The following PARN variants were observed in gnomAD, a reference collection of about 807,000 sequenced individuals.
PARN encodes poly(A)-specific ribonuclease PARN.
Under a neutral mutation model 102.8 loss-of-function variants are expected in PARN, and 71 were observed. The ratio of observed to expected loss-of-function variants is 0.69; its 90% confidence interval spans 0.57 to 0.84. The LOEUF (loss-of-function observed/expected upper bound fraction) is 0.84. Ranked by LOEUF, PARN falls within the 40% of genes least tolerant of loss-of-function variation. PARN has a pLI of 0.00. For synonymous variants in PARN, 261 were observed against 252.9 expected (o/e 1.03, Z -0.30); for missense variants, 782 against 760.9 (o/e 1.03, Z -0.33).
At chr16:14,529,212 A>C (rs1306248460) in intron 21 of PARN, among the ~76,000 whole-genome samples, 1 of 152,218 alleles carries the variant, frequency 6.6e-6, no homozygotes, top group Non-Finnish European at 1.5e-5. Context: ...TCGAATCCGA[A>C]TGCTAAGTCT....
intron 14 of PARN, among the ~76,000 whole-genome samples, chr16:14,585,737 T>G (rs911085527): frequency 6.6e-6 from 1 of 152,156 alleles, no homozygotes; most frequent in Non-Finnish European, 1.5e-5. Flanking sequence ...ACAAGAGCCA[T>G]CTCAAGGAGG....
intron 21 of PARN, among the ~76,000 whole-genome samples, chr16:14,484,768 C>T (rs917958366): frequency 4.6e-5 from 7 of 152,046 alleles, no homozygotes; most frequent in Non-Finnish European, 8.8e-5. Context: ...CAAAGGTTTC[C>T]GGAATGTCAT....
At chr16:14,569,888 C>G (rs2151732187) in intron 18 of PARN, among the ~76,000 whole-genome samples, 1 of 152,134 alleles carries the variant, frequency 6.6e-6, no homozygotes, top group Middle Eastern at 3.4e-3. Context: ...TTAATGCCAT[C>G]AAACTGTACA....
At chr16:14,438,552 G>A (rs1960813250) in intron 23 of PARN, among the ~76,000 whole-genome samples, 1 of 151,896 alleles carries the variant, frequency 6.6e-6, no homozygotes, top group Admixed American at 6.6e-5. Context: ...AGTAAGGCAA[G>A]TCAAGTTGGA....
chr16:14,516,360 A>G (rs1965455272), intron 21 of PARN, among the ~76,000 whole-genome samples: 1 of 152,166 alleles, frequency 6.6e-6, no homozygotes. Context: ...ATAACCAAAA[A>G]AGGCTCAATA....
chr16:14,577,560 C>T (rs1452650212), intron 18 of PARN, among the ~76,000 whole-genome samples: 1 of 152,112 alleles, frequency 6.6e-6, no homozygotes. Context: ...TCTCAAACTC[C>T]TGGGCTCAAG....
chr16:14,464,434 T>C (rs963386184), intron 22 of PARN, among the ~76,000 whole-genome samples: 3 of 152,162 alleles, frequency 2.0e-5, no homozygotes, highest in Admixed American at 6.5e-5. Context: ...CCATTTAGAA[T>C]TCTATACCCA....
intron 23 of PARN, among the ~76,000 whole-genome samples, chr16:14,444,983 A>ATTTTTTTTTTTTT (rs564058919): frequency 1.7e-5 from 2 of 117,972 alleles, no homozygotes; most frequent in African/African-American, 3.3e-5. Context: ...TAATATTTAA[A>ATTTTTTTTTTTTT]TTTTTTTTTT....
chr16:14,535,807 A>G (rs915386408), intron 21 of PARN, among the ~76,000 whole-genome samples: 5 of 152,172 alleles, frequency 3.3e-5, no homozygotes, highest in Admixed American at 2.6e-4. Context: ...ACTTTATCAT[A>G]GGTATGTATG....
At chr16:14,445,523 T>G (rs1961163018) in intron 23 of PARN, among the ~76,000 whole-genome samples, 1 of 152,186 alleles carries the variant, frequency 6.6e-6, no homozygotes, top group Admixed American at 6.5e-5. Flanking sequence ...TGGGTCAGTG[T>G]CTCTCAACAC....
chr16:14,436,860 G>A, intron 23 of PARN, 88 bp from the exon 24 acceptor site: 3 of 947,870 alleles, frequency 3.2e-6, no homozygotes, highest in Admixed American at 2.1e-5. Flanking sequence ...CAGACAGAGG[G>A]CCTGTGACGG....
intron 22 of PARN, among the ~76,000 whole-genome samples, chr16:14,475,378 A>G (rs2151588951): frequency 6.6e-6 from 1 of 152,312 alleles, no homozygotes; most frequent in Admixed American, 6.5e-5. Flanking sequence ...ACTGTAGAGG[A>G]GTATTCTCCA....
intron 7 of PARN, among the ~76,000 whole-genome samples, chr16:14,610,048 TAAA>T (rs890285714): frequency 3.3e-5 from 5 of 151,682 alleles, no homozygotes; most frequent in Non-Finnish European, 7.4e-5. Flanking sequence ...CCGTCTCTAT[TAAA>T]AAAAATAAAA....
intron 22 of PARN, among the ~76,000 whole-genome samples, chr16:14,455,775 T>C (rs986289932): frequency 2.6e-5 from 4 of 152,200 alleles, no homozygotes; most frequent in Admixed American, 1.3e-4. Context: ...AATGACGTGA[T>C]TGGAATGTGA....
Position 14,454,204 on chromosome 16 carries a change from G to C in PARN, c.1671-7123C>G, listed in dbSNP as rs142858899. 2.6e-3 allele frequency among the ~76,000 whole-genome samples: 403 copies of C among 152,184 alleles called. 2 individuals are homozygous for C. Among genetic ancestry groups the C allele is most frequent in the Middle Eastern group, 0.017 (5 of 294 alleles). ...TACGCAGTTTGAAAATTTTTGGCCC[G>C]GCATGATGGCTCATGCCTGTAATCC... On this transcript the variant is annotated intron_variant, in intron 22 of 23. Coordinates refer to ENST00000437198, the MANE Select transcript of PARN (RefSeq NM_002582.4).
At chr16:14,492,871 T>C (rs1392719752) in intron 21 of PARN, among the ~76,000 whole-genome samples, 1 of 152,054 alleles carries the variant, frequency 6.6e-6, no homozygotes, top group Non-Finnish European at 1.5e-5. Context: ...GTGGGGTGAG[T>C]TACCTGCCTC....
intron 16 of PARN, among the ~76,000 whole-genome samples, chr16:14,582,959 C>T (rs1043973463): frequency 3.9e-5 from 6 of 152,164 alleles, no homozygotes; most frequent in Non-Finnish European, 8.8e-5. Context: ...AAAGAGAAGA[C>T]TGCAATTCAC....
intron 6 of PARN, 89 bp from the exon 7 acceptor site, chr16:14,610,898 GGAAA>G (rs1567448336): frequency 2.4e-6 from 2 of 820,126 alleles, no homozygotes; most frequent in Non-Finnish European, 4.0e-6. Context: ...AAATTACTCA[GGAAA>G]GATTTACCAT....
intron 21 of PARN, among the ~76,000 whole-genome samples, chr16:14,495,835 G>T (rs566139176): frequency 6.6e-6 from 1 of 152,160 alleles, no homozygotes; most frequent in Admixed American, 6.5e-5. Flanking sequence ...GGAGGGAGGT[G>T]TGTGCGCGGA....
Sources: allele counts gnomAD v4.1 joint callset (sites outside exome capture counted in the v4.1 genomes callset), GRCh38; gene constraint gnomAD v4.1.1; transcripts MANE v1.5; gene names NCBI Gene and HGNC (gene_info 2026-07-23, HGNC 2026-07-21).